DOK6: variants seen among roughly 807,000 people sequenced by gnomAD.
The protein encoded by DOK6 is downstream of tyrosine kinase 6.
DOK6 carries 22 observed loss-of-function variants against 44.0 expected under a neutral mutation model. The observed-to-expected ratio is 0.50, with a 90% confidence interval of 0.36 to 0.71. DOK6 has a LOEUF of 0.71. DOK6 is among the 30% of genes least tolerant of loss of function. The probability of loss-of-function intolerance (pLI) is 0.00; values close to 1 mark genes in which losing one functional copy is unlikely to be tolerated. For synonymous variants in DOK6, 166 were observed against 145.5 expected (o/e 1.14, Z -1.01); for missense variants, 340 against 416.4 (o/e 0.82, Z 1.60).
At chr18:69,825,232 A>G (rs1459664267) in intron 7 of DOK6, among the ~76,000 whole-genome samples, 1 of 152,150 alleles carries the variant, frequency 6.6e-6, no homozygotes, top group Non-Finnish European at 1.5e-5. Flanking sequence ...GAAAAACTTA[A>G]TTTATGTGAC....
At chr18:69,641,180 A>C (rs1294959299) in intron 3 of DOK6, among the ~76,000 whole-genome samples, 3 of 151,668 alleles carry the variant, frequency 2.0e-5, no homozygotes, top group Non-Finnish European at 4.4e-5. Flanking sequence ...ATGCTACTGC[A>C]CTCCAGCCTG....
intron 3 of DOK6, among the ~76,000 whole-genome samples, chr18:69,606,278 AAAT>A: frequency 8.3e-4 from 1 of 1,210 alleles, no homozygotes; most frequent in South Asian, 0.042. Context: ...ATCTCAAAAT[AAAT>A]AAATAAATAA....
intron 6 of DOK6, among the ~76,000 whole-genome samples, chr18:69,755,350 A>G (rs1979321397): frequency 6.6e-6 from 1 of 152,232 alleles, no homozygotes; most frequent in Non-Finnish European, 1.5e-5. Context: ...AAGCACTTTC[A>G]TCACATTTTG....
intron 3 of DOK6, among the ~76,000 whole-genome samples, chr18:69,624,946 C>T (rs1244642069): frequency 6.6e-6 from 1 of 151,970 alleles, no homozygotes; most frequent in Non-Finnish European, 1.5e-5. Context: ...CCTGTACATC[C>T]CACTCTACTA....
intron 1 of DOK6, among the ~76,000 whole-genome samples, chr18:69,480,027 CTAA>C (rs1227537539): frequency 6.6e-6 from 1 of 152,098 alleles, no homozygotes; most frequent in Non-Finnish European, 1.5e-5. Context: ...AGCTTCTAAA[CTAA>C]TGAGGTGTTA....
At position 69,557,736 on chromosome 18, in the gene DOK6, G is replaced by A. The variant is rs76002003; in HGVS notation, c.67-6751G>A. 3.9e-5 allele frequency among the ~76,000 whole-genome samples: 6 copies of A among 152,286 alleles called. No homozygotes were observed. In the East Asian group the frequency reaches 9.6e-4, roughly 24 times the overall value. On this transcript the variant is annotated intron_variant, in intron 1 of 7. Transcript: ENST00000382713. ...ATGTTTAGGAGATAGTTTTGAATGA[G>A]AAAGTGAAATCAGTTAATCCCCCAG...
intron 3 of DOK6, among the ~76,000 whole-genome samples, chr18:69,636,997 A>G (rs1984824604): frequency 6.6e-6 from 1 of 152,074 alleles, no homozygotes; most frequent in Non-Finnish European, 1.5e-5. Flanking sequence ...GCCTTAAAGG[A>G]ACTTTGTTTT....
intron 1 of DOK6, among the ~76,000 whole-genome samples, chr18:69,482,670 A>G (rs1191527174): frequency 6.6e-6 from 1 of 151,990 alleles, no homozygotes; most frequent in Non-Finnish European, 1.5e-5. Flanking sequence ...TAGAGGTTTT[A>G]GTTTGTGTAT....
intron 3 of DOK6, among the ~76,000 whole-genome samples, chr18:69,617,736 AGGAG>A (rs1984344531): frequency 7.7e-6 from 1 of 129,610 alleles, no homozygotes; most frequent in Non-Finnish European, 1.7e-5. Flanking sequence ...AAAAGGGGGA[AGGAG>A]GGAAGGAAGG....
At chr18:69,535,156 C>A (rs543683740) in intron 1 of DOK6, among the ~76,000 whole-genome samples, 3 of 152,200 alleles carry the variant, frequency 2.0e-5, no homozygotes, top group Admixed American at 2.0e-4. Context: ...ATGAGGGGAA[C>A]GAATGTGAAT....
chr18:69,758,082 T>C lies in DOK6; in HGVS notation c.856+209T>C, dbSNP rs555100009. 1.1e-4 allele frequency among the ~76,000 whole-genome samples: 16 copies of C among 152,342 alleles called. 1 individual carries two copies. The South Asian group carries it at 3.3e-3, about 32-fold the overall frequency. On this transcript the variant is annotated intron_variant, in intron 7 of 7. Coordinates refer to ENST00000382713, the MANE Select transcript of DOK6 (RefSeq NM_152721.6). The stretch of plus-strand genomic sequence containing the variant: ...CTCATGGTAAAAAATATTTCAAAAA[T>C]TACTGTGAGGGCTAAGGACCCCATT...
At chr18:69,430,063 T>C (rs557965865) in intron 1 of DOK6, among the ~76,000 whole-genome samples, 11 of 152,176 alleles carry the variant, frequency 7.2e-5, no homozygotes, top group Admixed American at 2.6e-4. Context: ...ATCATTGATC[T>C]TCAAAACTCT....
intron 2 of DOK6, among the ~76,000 whole-genome samples, chr18:69,593,338 C>T (rs189753939): frequency 2.1e-4 from 32 of 151,328 alleles, no homozygotes; most frequent in Admixed American, 1.3e-3. Context: ...CACCACTTCA[C>T]GCCAGCCTGG....
rs1246152219 is a variant in DOK6 at position 69,708,732 on chromosome 18, C to T, written c.599+10139C>T. 4.8e-5 allele frequency among the ~76,000 whole-genome samples: 7 copies of T among 145,978 alleles called. No homozygotes were observed. In the Middle Eastern group the frequency reaches 0.011, roughly 227 times the overall value. ...CCAGAAGGCAGATGTTGCAGTGAGC[C>T]GAGATCACGCCATTGCACTCTAGCC... is the stretch of plus-strand genomic sequence containing the variant. On this transcript the variant is annotated intron_variant, in intron 5 of 7. Transcript: ENST00000382713.
intron 3 of DOK6, among the ~76,000 whole-genome samples, chr18:69,659,356 A>G (rs553840480): frequency 1.3e-5 from 2 of 152,380 alleles, no homozygotes; most frequent in Admixed American, 6.5e-5. Context: ...CATTAGAAAA[A>G]GATAAAGTGA....
intron 1 of DOK6, among the ~76,000 whole-genome samples, chr18:69,533,263 A>G (rs1982033343): frequency 6.6e-6 from 1 of 152,196 alleles, no homozygotes; most frequent in Non-Finnish European, 1.5e-5. Context: ...CACTAATAAC[A>G]TAACTCCAGT....
At chr18:69,450,640 A>G (rs1979433525) in intron 1 of DOK6, among the ~76,000 whole-genome samples, 1 of 152,062 alleles carries the variant, frequency 6.6e-6, no homozygotes, top group African/African-American at 2.4e-5. Context: ...GAAGGAAAAC[A>G]TGTTAAGGGC....
chr18:69,405,179 A>C lies in DOK6; in HGVS notation c.66+3869A>C, dbSNP rs192297864. ...CCCTTCTTGATTAAAACCTTAAGAC[A>C]CCTCCATTCCTGGCTTAAGGATAAT... On this transcript the variant is annotated intron_variant, in intron 1 of 7. Coordinates refer to ENST00000382713, the MANE Select transcript of DOK6 (RefSeq NM_152721.6). Among the ~76,000 whole-genome samples the C allele has an allele frequency of 2.1e-3, 321 of 152,012 alleles. 1 individual carries two copies. Among genetic ancestry groups the C allele is most frequent in the Middle Eastern group, 0.01 (3 of 294 alleles).
At chr18:69,714,123 G>A (rs893592435) in intron 5 of DOK6, among the ~76,000 whole-genome samples, 1 of 152,184 alleles carries the variant, frequency 6.6e-6, no homozygotes, top group Non-Finnish European at 1.5e-5. Flanking sequence ...TTACCAAAAA[G>A]AGACTCCCTA....
Sources: gnomAD v4.1 joint callset for allele counts (sites outside exome capture counted in the v4.1 genomes callset) on GRCh38, gnomAD v4.1.1 for gene constraint, MANE v1.5 for transcripts, NCBI Gene and HGNC (gene_info 2026-07-23, HGNC 2026-07-21) for gene names.